The following ATPAF1 variants were observed in gnomAD, a reference collection of about 807,000 sequenced individuals.
The protein encoded by ATPAF1 is ATP synthase mitochondrial F1 complex assembly factor 1, also known as homolog of yeast ATP11.
ATPAF1 carries 26 observed loss-of-function variants against 43.9 expected under a neutral mutation model. That is an observed-to-expected ratio of 0.59 (90% confidence interval 0.43 to 0.82). The LOEUF (loss-of-function observed/expected upper bound fraction) is 0.82, where lower values mean the gene tolerates loss of function less well. ATPAF1 is among the 40% of genes least tolerant of loss of function. ATPAF1 has a pLI of 0.00. For synonymous variants in ATPAF1, 157 were observed against 168.0 expected (o/e 0.93, Z 0.50); for missense variants, 366 against 435.0 (o/e 0.84, Z 1.41).
intron 8 of ATPAF1, among the ~76,000 whole-genome samples, chr1:46,637,393 T>A (rs12032181): frequency 1.3e-5 from 2 of 152,036 alleles, no homozygotes; most frequent in Non-Finnish European, 2.9e-5. Flanking sequence ...AAATAAAAAT[T>A]AAAAAATGAC....
intron 2 of ATPAF1, among the ~76,000 whole-genome samples, chr1:46,659,104 C>A (rs575807320): frequency 6.6e-6 from 1 of 151,636 alleles, no homozygotes; most frequent in Non-Finnish European, 1.5e-5. Context: ...GGCAGGAGAA[C>A]CGCTTGAACC....
chr1:46,663,833 C>A, intron 2 of ATPAF1: 1 of 1,214,504 alleles, frequency 8.2e-7, no homozygotes, highest in Non-Finnish European at 1.0e-6. Context: ...CTGTAACTAC[C>A]TTAATTCAGG....
intron 8 of ATPAF1, 132 bp from the exon 9 acceptor site, chr1:46,636,102 C>A (rs1675836002): frequency 1.0e-6 from 1 of 985,370 alleles, no homozygotes; most frequent in South Asian, 1.3e-5. Flanking sequence ...TTCTTGAAGT[C>A]CCTAGTCTTG....
intron 8 of ATPAF1, 94 bp from the exon 9 acceptor site, chr1:46,636,064 G>C: frequency 6.5e-6 from 9 of 1,393,462 alleles, no homozygotes; most frequent in Non-Finnish European, 9.1e-6. Context: ...TCGCCCAGGA[G>C]TCACCACTTC....
At chr1:46,664,022 T>A in intron 2 of ATPAF1, 1 of 620,634 alleles carries the variant, frequency 1.6e-6, no homozygotes, top group Non-Finnish European at 2.3e-6. Context: ...GTAATAAGAA[T>A]GGACTGCATG....
intron 8 of ATPAF1, among the ~76,000 whole-genome samples, chr1:46,637,244 G>A (rs1292366942): frequency 1.3e-5 from 2 of 151,982 alleles, no homozygotes; most frequent in Non-Finnish European, 2.9e-5. Context: ...GCCAGATGTG[G>A]TGGCATGAGC....
In ATPAF1 at chr1:46,668,140, G is replaced by T; in HGVS notation, c.183C>A (p.Asp61Glu). 1 of 1,402,342 alleles carries T rather than the reference G, an allele frequency of 7.1e-7. No homozygotes were observed. Among genetic ancestry groups the T allele is most frequent in the Non-Finnish European group, 9.3e-7 (1 of 1,078,796 alleles). The allele number at this position is 1,402,342 out of a possible 1,614,324, so 86.9% of individuals were successfully genotyped here. A position where few individuals can be genotyped will look rare whatever the true frequency, so the allele number is the denominator to read the frequency against. ...CGGCCTCGGCCCCGACCCCGCTGCT[G>T]TCGGCGCCCCCCTCGGGCCGGCCCG... Residue 61 changes from aspartate to glutamate, a missense_variant, in exon 1 of 9, where the codon GAC becomes GAA. This residue lies in a region of ATPAF1 where 186 missense variants were observed against 168.5 expected (regional missense o/e 1.10). Transcript: ENST00000574428. This position sits in a 1 kb window ranked among gnomAD's most constrained non-coding sequence, Gnocchi z 4.4.
chr1:46,637,009 G>A (rs1298696331), intron 8 of ATPAF1, among the ~76,000 whole-genome samples: 1 of 152,194 alleles, frequency 6.6e-6, no homozygotes, highest in Non-Finnish European at 1.5e-5. Flanking sequence ...AACCTTGTGA[G>A]ACCCTGAGCC....
chr1:46,665,495 A>G (rs1429773667), intron 1 of ATPAF1, 131 bp from the exon 2 acceptor site: 9 of 1,210,104 alleles, frequency 7.4e-6, no homozygotes, highest in South Asian at 2.8e-5. Context: ...GCCTTCAGTT[A>G]GTAAGAACTG....
At chr1:46,657,156 G>A (rs1231416064) in intron 4 of ATPAF1, among the ~76,000 whole-genome samples, 1 of 152,042 alleles carries the variant, frequency 6.6e-6, no homozygotes, top group Non-Finnish European at 1.5e-5. Flanking sequence ...TTCACGGGGT[G>A]GTTAAGAGAA....
chr1:46,647,926 T>C (rs560308758), intron 6 of ATPAF1, among the ~76,000 whole-genome samples: 4 of 152,338 alleles, frequency 2.6e-5, no homozygotes, highest in African/African-American at 9.6e-5. Context: ...GGTGCTTATC[T>C]GCTATTCTTT....
chr1:46,664,656 G>A (rs1214870952), intron 2 of ATPAF1: 2 of 152,340 alleles, frequency 1.3e-5, no homozygotes, highest in Non-Finnish European at 2.9e-5. Context: ...TGGGTTGGCA[G>A]GGTTGGCTGG....
intron 4 of ATPAF1, among the ~76,000 whole-genome samples, chr1:46,654,156 T>A (rs1368034467): frequency 3.3e-5 from 5 of 152,134 alleles, no homozygotes; most frequent in African/African-American, 4.8e-5. Context: ...ATAGACAACT[T>A]CTTTTTTTTC....
At chr1:46,632,804 T>C (rs919170311), downstream of ATPAF1, 1 of 152,646 alleles carries the variant, frequency 6.6e-6, no homozygotes, top group East Asian at 1.9e-4. Context: ...GTCCAGGCCA[T>C]GTCCTTGGCA....
chr1:46,645,412 G>A (rs1308477339), intron 6 of ATPAF1, among the ~76,000 whole-genome samples, 156 bp from the exon 7 acceptor site: 1 of 152,124 alleles, frequency 6.6e-6, no homozygotes, highest in East Asian at 1.9e-4. Context: ...TGTCCAGGCT[G>A]CAGTGCAGGC....
chr1:46,635,797 G>A, exon 9 of ATPAF1: 1 of 1,614,010 alleles, frequency 6.2e-7, no homozygotes, highest in Non-Finnish European at 8.5e-7. Flanking sequence ...TTTGGTTCTG[G>A]GCACATTTCA....
At chr1:46,639,426 A>G (rs1675905285) in intron 8 of ATPAF1, among the ~76,000 whole-genome samples, 1 of 152,112 alleles carries the variant, frequency 6.6e-6, no homozygotes, top group Non-Finnish European at 1.5e-5. Flanking sequence ...TGGGCCAGGG[A>G]TATCACCCCA....
chr1:46,633,806 G>A (rs1380611792), downstream of ATPAF1: 2 of 456,084 alleles, frequency 4.4e-6, no homozygotes, highest in Non-Finnish European at 8.8e-6. Flanking sequence ...AATGTACTAT[G>A]TATGGCTAAT....
At chr1:46,647,344 T>C (rs1676062763) in intron 6 of ATPAF1, among the ~76,000 whole-genome samples, 2 of 152,210 alleles carry the variant, frequency 1.3e-5, no homozygotes, top group African/African-American at 4.8e-5. Context: ...TACCCACAAA[T>C]TGGATTTGTC....
Sources: gnomAD v4.1 joint callset for allele counts (sites outside exome capture counted in the v4.1 genomes callset) on GRCh38, gnomAD v4.1.1 for gene constraint, gnomAD v4.1.1 regional missense constraint, Gnocchi (gnomAD v3.1) non-coding constraint, MANE v1.5 for transcripts, NCBI Gene and HGNC (gene_info 2026-07-23, HGNC 2026-07-21) for gene names.